ZNF430: variants seen among roughly 807,000 people sequenced by gnomAD.
ZNF430 encodes the protein zinc finger protein 430.
A neutral mutation model predicts 56.7 loss-of-function variants in ZNF430; 35 were observed. The observed-to-expected ratio is 0.62, with a 90% confidence interval of 0.47 to 0.82. ZNF430 has a LOEUF of 0.82. Among genes scored for constraint, ZNF430 ranks in the 40% least tolerant of loss-of-function variants. The probability of loss-of-function intolerance (pLI) is 0.00; values close to 1 mark genes in which losing one functional copy is unlikely to be tolerated. For synonymous variants in ZNF430, 212 were observed against 224.3 expected, an observed-to-expected ratio of 0.94 and a Z score of 0.49; for missense variants, 574 against 661.0, an observed-to-expected ratio of 0.87 and a Z score of 1.44.
intron 4 of ZNF430, among the ~76,000 whole-genome samples, chr19:21,042,800 A>T (rs34633711): frequency 1.2e-3 from 180 of 151,890 alleles, no homozygotes; most frequent in Middle Eastern, 0.01. Flanking sequence ...AAAAAAAAAA[A>T]TTTAGAAAAA....
At chr19:21,053,945 A>T (rs549119873) in intron 4 of ZNF430, among the ~76,000 whole-genome samples, 6 of 151,924 alleles carry the variant, frequency 3.9e-5, no homozygotes, top group Admixed American at 2.6e-4. Flanking sequence ...TATTTGTGCT[A>T]TCTTGGGGAT....
In ZNF430 at chr19:21,024,965, A is replaced by G. The variant is rs534158674; in HGVS notation, c.96+2084A>G. Among the ~76,000 whole-genome samples the G allele has an allele frequency of 1.6e-4, 25 of 152,286 alleles. No homozygotes were observed. In the East Asian group the frequency reaches 2.1e-3, roughly 13 times the overall value. On this transcript the variant is annotated intron_variant, in intron 2 of 4. Coordinates refer to ENST00000261560, the MANE Select transcript of ZNF430 (RefSeq NM_025189.4). Reference sequence around the variant, plus strand: ...GCCTGTGAAAAATTTTATTTAGACCACTGAAGACAAATTCAGCTGATTTTT... The same window carrying G: ...GCCTGTGAAAAATTTTATTTAGACCGCTGAAGACAAATTCAGCTGATTTTT...
chr19:21,044,231 C>T (rs371130161), intron 4 of ZNF430, among the ~76,000 whole-genome samples: 24 of 152,020 alleles, frequency 1.6e-4, no homozygotes, highest in South Asian at 4.2e-4. Flanking sequence ...TCATAAATGA[C>T]TCTTATTATT....
intron 2 of ZNF430, among the ~76,000 whole-genome samples, chr19:21,026,302 T>G (rs11671894): frequency 6.6e-5 from 10 of 152,008 alleles, no homozygotes; most frequent in African/African-American, 2.4e-4. Context: ...TATTCTCCTG[T>G]CTCAGCCTTC....
chr19:21,033,374 A>G lies in ZNF430; in HGVS notation c.97-82A>G, dbSNP rs1406768762. ...CAGAACCAATTCTCTTTATTCTGTCATTTCACTTTAATTCAAATAATAAAT... is the reference window on the plus strand; with the variant it reads ...CAGAACCAATTCTCTTTATTCTGTCGTTTCACTTTAATTCAAATAATAAAT... On this transcript the variant is annotated intron_variant, in intron 2 of 4. Transcript: ENST00000261560. 4.0e-6 allele frequency: 6 copies of G among 1,505,832 alleles called. No individual in the cohort carries two copies. The East Asian group carries it at 1.5e-4, about 37-fold the overall frequency. 93.3% of individuals were successfully genotyped at this position (1,505,832 alleles called of 1,614,324 possible).
At chr19:21,052,724 A>G (rs562439066) in intron 4 of ZNF430, among the ~76,000 whole-genome samples, 22 of 152,248 alleles carry the variant, frequency 1.4e-4, no homozygotes, top group East Asian at 1.4e-3. Context: ...GCCACTTTCA[A>G]TCCTTTTTTG....
intron 4 of ZNF430, among the ~76,000 whole-genome samples, chr19:21,042,177 A>G (rs1968113802): frequency 6.6e-6 from 1 of 152,140 alleles, no homozygotes. Flanking sequence ...TCCATAGTGT[A>G]TATGTACCAC....
At chr19:21,025,006 A>G (rs1279414663) in intron 2 of ZNF430, among the ~76,000 whole-genome samples, 1 of 152,136 alleles carries the variant, frequency 6.6e-6, no homozygotes, top group African/African-American at 2.4e-5. Flanking sequence ...TGAGAAAAAG[A>G]AAATGTGCAG....
rs766883386 is a variant in ZNF430, at chr19:21,022,845, T to G, written c.60T>G (p.Ala20=). The change falls in exon 2 of 5, where the codon GCT becomes GCG. Residue 20 remains alanine (A), a synonymous_variant. Transcript: ENST00000261560. Reference sequence around the variant, plus strand: ...AGGAAGCAAGTGGATGCCCTGGGGCTGACAGGAATCTTCTGGTGTACTCTT... The same window carrying G: ...AGGAAGCAAGTGGATGCCCTGGGGCGGACAGGAATCTTCTGGTGTACTCTT... ...PLKEASGCPG[A]DRNLLVYSFY... 12 of 1,613,924 alleles carry G rather than the reference T, an allele frequency of 7.4e-6. No homozygotes were observed. In the African/African-American group the frequency reaches 1.5e-4, roughly 20 times the overall value.
rs1968401605 is a variant in ZNF430, at chr19:21,057,523, A to G, written c.1215A>G (p.Glu405=). 1 of 1,613,650 alleles carries G rather than the reference A, an allele frequency of 6.2e-7. No homozygotes were observed. Among genetic ancestry groups the G allele is most frequent in the Non-Finnish European group, 8.5e-7 (1 of 1,179,966 alleles). ...GAGAGAAATTCTACAAATGTGAAGA[A>G]TGTGGCAAAGGCTTTAATTGGTCCT... ...HTGEKFYKCE[E]CGKGFNWSST... The change falls in exon 5 of 5, where the codon GAA becomes GAG. Residue 405 remains glutamate, a synonymous_variant. Transcript: ENST00000261560.
At position 21,057,484 on chromosome 19, in the gene ZNF430, G is replaced by A. The variant is rs1262080494; in HGVS notation, c.1176G>A (p.Lys392=). The A allele has an allele frequency of 4.3e-6, 7 of 1,613,248 alleles. No individual in the cohort carries two copies. In the African/African-American group the frequency reaches 9.4e-5, roughly 22 times the overall value. The stretch of plus-strand genomic sequence containing the variant: ...GATTCTCATACCTTACTAAACATAA[G>A]ATAATTCATACTGGAGAGAAATTCT... ...FYRFSYLTKH[K]IIHTGEKFYK... Residue 392 remains lysine (K), a synonymous_variant, in exon 5 of 5, where the codon AAG becomes AAA. Coordinates refer to ENST00000261560, the MANE Select transcript of ZNF430 (RefSeq NM_025189.4).
chr19:21,030,523 A>G (rs1476359060), intron 2 of ZNF430, among the ~76,000 whole-genome samples: 3 of 149,782 alleles, frequency 2.0e-5, no homozygotes, highest in Non-Finnish European at 4.4e-5. Context: ...AGATTTATTC[A>G]GACATTGCCG....
At chr19:21,045,441 G>A (rs1427314004) in intron 4 of ZNF430, among the ~76,000 whole-genome samples, 2 of 152,156 alleles carry the variant, frequency 1.3e-5, no homozygotes, top group Non-Finnish European at 2.9e-5. Flanking sequence ...CTGAGAGACT[G>A]TTATGATTTC....
intron 3 of ZNF430, 188 bp downstream of exon 3, chr19:21,033,770 TC>T: frequency 1.5e-6 from 1 of 687,778 alleles, no homozygotes; most frequent in Non-Finnish European, 2.2e-6. Context: ...ACTTAAACTT[TC>T]CACATTCCTG....
chr19:21,030,726 C>T (rs1967886919), intron 2 of ZNF430, among the ~76,000 whole-genome samples: 1 of 152,144 alleles, frequency 6.6e-6, no homozygotes, highest in Admixed American at 6.6e-5. Context: ...TGACAGGGAA[C>T]TTGTTTGAAA....
At chr19:21,033,349 C>A in intron 2 of ZNF430, 107 bp from the exon 3 acceptor site, 1 of 1,427,422 alleles carries the variant, frequency 7.0e-7, no homozygotes, top group South Asian at 1.4e-5. Context: ...TCCTGCAAAT[C>A]AGAACCAATT....
chr19:21,040,387 A>G (rs1397293406), intron 4 of ZNF430, among the ~76,000 whole-genome samples: 2 of 152,196 alleles, frequency 1.3e-5, no homozygotes, highest in Non-Finnish European at 2.9e-5. Flanking sequence ...CCATGGCACC[A>G]TTCTTTTAGT....
chr19:21,054,873 G>GTTT (rs1968346111), intron 4 of ZNF430, among the ~76,000 whole-genome samples: 1 of 151,246 alleles, frequency 6.6e-6, no homozygotes, highest in African/African-American at 2.4e-5. Context: ...ACAAGGTTTC[G>GTTT]CCGTATTAGC....
intron 4 of ZNF430, among the ~76,000 whole-genome samples, chr19:21,044,111 C>T (rs978395215): frequency 1.3e-5 from 2 of 151,450 alleles, no homozygotes; most frequent in African/African-American, 4.9e-5. Flanking sequence ...CCAGAACTTC[C>T]AATACTACGT....
Sources: allele counts gnomAD v4.1 joint callset (sites outside exome capture counted in the v4.1 genomes callset), GRCh38; gene constraint gnomAD v4.1.1; transcripts MANE v1.5; gene names NCBI Gene and HGNC (gene_info 2026-07-23, HGNC 2026-07-21).